The following PAPPA2 variants were observed in gnomAD, a reference collection of about 807,000 sequenced individuals.
The protein encoded by PAPPA2 is pappalysin 2, also known as pappalysin-2.
In PAPPA2, 86 loss-of-function variants were observed where a neutral mutation model predicts 176.4. That is an observed-to-expected ratio of 0.49 (90% CI 0.41 to 0.58). The LOEUF is 0.58. PAPPA2 is among the 20% of genes least tolerant of loss of function. The pLI, the probability that PAPPA2 is intolerant of heterozygous loss-of-function variation, is 0.00. For missense variants in PAPPA2, 2,073 were observed against 2,256.9 expected (o/e 0.92, Z 1.65); for synonymous variants, 809 against 852.2 (o/e 0.95, Z 0.88).
intron 1 of PAPPA2, among the ~76,000 whole-genome samples, chr1:176,493,998 T>G (rs1424113702): frequency 1.3e-5 from 2 of 152,240 alleles, no homozygotes; most frequent in Non-Finnish European, 2.9e-5. Context: ...TGCTCAGGTC[T>G]GGGAAACCCA....
chr1:176,702,879 GCAAGGCAC>G (rs1435419106), intron 9 of PAPPA2, 144 bp downstream of exon 9: 1 of 1,148,134 alleles, frequency 8.7e-7, no homozygotes, highest in Non-Finnish European at 1.2e-6. Flanking sequence ...AATGTAGGGA[GCAAGGCAC>G]CATTTGATTC....
At chr1:176,737,069 A>G (rs1392543341) in intron 12 of PAPPA2, among the ~76,000 whole-genome samples, 1 of 149,862 alleles carries the variant, frequency 6.7e-6, no homozygotes, top group Admixed American at 6.7e-5. Flanking sequence ...AAATACACTA[A>G]TTTTTTTTTT....
At chr1:176,730,152 A>G (rs1558547675) in intron 12 of PAPPA2, among the ~76,000 whole-genome samples, 1 of 151,498 alleles carries the variant, frequency 6.6e-6, no homozygotes, top group Non-Finnish European at 1.5e-5. Context: ...TGCTTGTACA[A>G]TTTTCTTTTT....
In PAPPA2 at chr1:176,692,221, C is replaced by G; in HGVS notation, c.2527C>G (p.Pro843Ala). 1 of 1,613,922 alleles carries G rather than the reference C, an allele frequency of 6.2e-7. No homozygotes were observed. Among genetic ancestry groups the G allele is most frequent in the Non-Finnish European group, 8.5e-7 (1 of 1,179,820 alleles). ...VYQQWTESRK[P>A]TPIPIPPMVI... The stretch of plus-strand genomic sequence containing the variant: ...TCAGCAGTGGACTGAAAGCAGAAAG[C>G]CCACCCCCATCCCCATTCCACCTAT... The change falls in exon 6 of 23, where the codon CCC (proline) becomes GCC (alanine). Residue 843 changes from proline to alanine, a missense_variant. Pro to Ala is a conservative substitution (Grantham distance 27, BLOSUM62 -1). Around this residue, in one of 4 missense-constraint regions of PAPPA2, gnomAD observed 1,196 missense variants for 1,330.4 expected, o/e 0.90. Coordinates refer to ENST00000367662, the MANE Select transcript of PAPPA2 (RefSeq NM_020318.3).
chr1:176,662,280 A>T (rs980723434), intron 3 of PAPPA2, among the ~76,000 whole-genome samples: 18 of 152,182 alleles, frequency 1.2e-4, no homozygotes, highest in African/African-American at 4.1e-4. Context: ...TTGTTATGAG[A>T]TTTACATGAG....
chr1:176,740,863 A>G (rs1157046215), intron 14 of PAPPA2, among the ~76,000 whole-genome samples: 1 of 152,126 alleles, frequency 6.6e-6, no homozygotes, highest in African/African-American at 2.4e-5. Flanking sequence ...GGTCTAATCA[A>G]TTGAGTGGGA....
chr1:176,693,768 A>G (rs1265077298), intron 6 of PAPPA2, among the ~76,000 whole-genome samples: 2 of 152,142 alleles, frequency 1.3e-5, no homozygotes, highest in Non-Finnish European at 2.9e-5. Flanking sequence ...GTGAGTCAGC[A>G]CACATCTGTG....
chr1:176,563,017 A>T (rs544363174), intron 2 of PAPPA2, among the ~76,000 whole-genome samples: 1 of 152,166 alleles, frequency 6.6e-6, no homozygotes, highest in East Asian at 1.9e-4. Flanking sequence ...CTTATTTGTT[A>T]TGTGCATGTC....
intron 1 of PAPPA2, among the ~76,000 whole-genome samples, chr1:176,482,761 C>T (rs759639558): frequency 6.6e-6 from 1 of 152,138 alleles, no homozygotes; most frequent in Non-Finnish European, 1.5e-5. Context: ...TCCTCTTTCC[C>T]AGATGCTCCA....
chr1:176,467,763 A>G (rs967843306), intron 1 of PAPPA2, among the ~76,000 whole-genome samples: 3 of 152,224 alleles, frequency 2.0e-5, no homozygotes, highest in African/African-American at 4.8e-5. Context: ...AGTACAAACC[A>G]CTTTCTCAAT....
In PAPPA2 at chr1:176,488,635, T is replaced by C. The variant is rs79153830; in HGVS notation, c.-917+25217T>C. Among the ~76,000 whole-genome samples, 428 of 152,292 alleles carry C rather than the reference T, an allele frequency of 2.8e-3. 9 individuals carry two copies. In the East Asian group the frequency reaches 0.07, roughly 25 times the overall value. The stretch of plus-strand genomic sequence containing the variant: ...AACATCCAGCACAATGGAAGGCCCA[T>C]AGCAAACAGCGAGCACTTTGTAAAT... On this transcript the variant is annotated intron_variant, in intron 1 of 22. Coordinates refer to ENST00000367662, the MANE Select transcript of PAPPA2 (RefSeq NM_020318.3).
At chr1:176,617,743 T>C (rs930264042) in intron 3 of PAPPA2, among the ~76,000 whole-genome samples, 1 of 152,190 alleles carries the variant, frequency 6.6e-6, no homozygotes, top group African/African-American at 2.4e-5. Context: ...ATTGTGCTGC[T>C]ATAAACATGT....
chr1:176,648,664 T>A (rs1220458979), intron 3 of PAPPA2, among the ~76,000 whole-genome samples: 1 of 151,618 alleles, frequency 6.6e-6, no homozygotes, highest in South Asian at 2.1e-4. Flanking sequence ...TTTTATTGAA[T>A]GCTTTTTCAT....
At chr1:176,725,053 A>G (rs550592382) in intron 12 of PAPPA2, among the ~76,000 whole-genome samples, 4 of 152,350 alleles carry the variant, frequency 2.6e-5, no homozygotes, top group Admixed American at 2.0e-4. Flanking sequence ...TTTAGGGTTT[A>G]TGGGCCATTC....
chr1:176,738,667 G>A (rs969266838), intron 12 of PAPPA2, among the ~76,000 whole-genome samples: 2 of 152,160 alleles, frequency 1.3e-5, no homozygotes, highest in Middle Eastern at 3.4e-3. Flanking sequence ...TAACACCAGG[G>A]AAAGTTGAGA....
intron 1 of PAPPA2, among the ~76,000 whole-genome samples, chr1:176,475,337 C>T (rs748229066): frequency 2.0e-5 from 3 of 152,086 alleles, no homozygotes; most frequent in Non-Finnish European, 4.4e-5. Flanking sequence ...TAAACAAAAG[C>T]CTAGCATAGG....
At chr1:176,470,167 G>T (rs1385269525) in intron 1 of PAPPA2, among the ~76,000 whole-genome samples, 2 of 152,150 alleles carry the variant, frequency 1.3e-5, no homozygotes, top group South Asian at 2.1e-4. Flanking sequence ...AAGCAAGAAG[G>T]TTCACAGTGG....
chr1:176,476,621 A>C (rs1652140456), intron 1 of PAPPA2, among the ~76,000 whole-genome samples: 1 of 152,168 alleles, frequency 6.6e-6, no homozygotes, highest in Admixed American at 6.5e-5. Context: ...AGATTGCCAA[A>C]ATGCAAAGCT....
intron 12 of PAPPA2, among the ~76,000 whole-genome samples, chr1:176,730,014 ATACT>A (rs1420009828): frequency 6.6e-6 from 1 of 151,946 alleles, no homozygotes; most frequent in Non-Finnish European, 1.5e-5. Context: ...GCAAGACTAC[ATACT>A]TATTGTATAT....
Sources: allele counts gnomAD v4.1 joint callset (sites outside exome capture counted in the v4.1 genomes callset), GRCh38; gene constraint gnomAD v4.1.1; regional missense constraint gnomAD v4.1.1; transcripts MANE v1.5; gene names NCBI Gene and HGNC (gene_info 2026-07-23, HGNC 2026-07-21).